PRDM14: variants seen among roughly 807,000 people sequenced by gnomAD.
The protein encoded by PRDM14 is PR/SET domain 14, also known as PR domain zinc finger protein 14.
In PRDM14, 16 loss-of-function variants were observed where a neutral mutation model predicts 48.0. That is an observed-to-expected ratio of 0.33 (90% CI 0.23 to 0.51). PRDM14 has a LOEUF of 0.51. PRDM14 is among the 20% of genes least tolerant of loss of function. The probability of loss-of-function intolerance (pLI) is 0.97; values close to 1 mark genes in which losing one functional copy is unlikely to be tolerated. For synonymous variants in PRDM14, 264 were observed against 276.6 expected, an observed-to-expected ratio of 0.95 and a Z score of 0.45; for missense variants, 566 against 719.6, an observed-to-expected ratio of 0.79 and a Z score of 2.44.
chr8:70,054,136 G>A (rs1316825998), intron 7 of PRDM14, among the ~76,000 whole-genome samples: 1 of 152,180 alleles, frequency 6.6e-6, no homozygotes, highest in East Asian at 1.9e-4. Flanking sequence ...TCAACCTATT[G>A]TTTCTATTAT....
intron 6 of PRDM14, among the ~76,000 whole-genome samples, chr8:70,058,260 C>A (rs1175456751): frequency 2.0e-5 from 3 of 152,176 alleles, no homozygotes; most frequent in Non-Finnish European, 4.4e-5. Context: ...ACATGCCAGG[C>A]TCTCTCCTGT....
In PRDM14 at chr8:70,068,506, C is replaced by A; in HGVS notation, c.727G>T (p.Asp243Tyr). Residue 243 changes from aspartate to tyrosine, a missense_variant, in exon 3 of 8, where the codon GAT (aspartate) becomes TAT (tyrosine). Asp to Tyr is a radical substitution (Grantham distance 160). Around this residue, in one of 3 missense-constraint regions of PRDM14, gnomAD observed 410 missense variants for 424.6 expected, o/e 0.97. Transcript: ENST00000276594. ...SGSDSLPQTL[D>Y]KDSLQLPEGL... ...TCTGGAAGTTGAAGGGAGTCTTTAT[C>A]CAGAGTTTGAGGAAGAGAATCAGAT... The A allele has an allele frequency of 6.2e-7, 1 of 1,614,044 alleles. No individual in the cohort carries two copies. The highest frequency in any genetic ancestry group is 8.5e-7 in the Non-Finnish European group (1 of 1,179,976).
chr8:70,055,238 T>C (rs1805453847), intron 7 of PRDM14, 62 bp downstream of exon 7: 1 of 917,734 alleles, frequency 1.1e-6, no homozygotes, highest in Non-Finnish European at 1.7e-6. Context: ...TGTTTCAAGT[T>C]CTTATCCATA....
At chr8:70,069,132 G>A (rs1805720203) in intron 2 of PRDM14, 29 bp downstream of exon 2, 1 of 1,440,926 alleles carries the variant, frequency 6.9e-7, no homozygotes. Context: ...CGTCCAATTC[G>A]ACTCCCAAAT....
intron 1 of PRDM14, among the ~76,000 whole-genome samples, chr8:70,070,409 G>A (rs1055592204): frequency 6.6e-6 from 1 of 152,158 alleles, no homozygotes; most frequent in African/African-American, 2.4e-5. Flanking sequence ...TCGGCTGGGA[G>A]GGAAGAGCCG....
chr8:70,069,896 C>A lies in PRDM14; in HGVS notation c.-24-12G>T. ...CACGCTCGGCGGCTCTGCAGAAAAG[C>A]GGGCGCCGCTGAGGACACCGCGCGG... On this transcript the variant is annotated splice_polypyrimidine_tract_variant and intron_variant, in intron 1 of 7. Coordinates refer to ENST00000276594, the MANE Select transcript of PRDM14 (RefSeq NM_024504.4). 2 of 1,505,410 alleles carry A rather than the reference C, an allele frequency of 1.3e-6. No homozygotes were observed. The highest frequency in any genetic ancestry group is 1.8e-6 in the Non-Finnish European group (2 of 1,119,820). 93.3% of individuals were successfully genotyped at this position (1,505,410 alleles called of 1,614,324 possible).
At chr8:70,054,566 C>T (rs568000392) in intron 7 of PRDM14, among the ~76,000 whole-genome samples, 9 of 144,174 alleles carry the variant, frequency 6.2e-5, no homozygotes, top group Non-Finnish European at 1.0e-4. Context: ...GCCACTCAGG[C>T]TGGAGTGCAG....
chr8:70,062,937 T>A (rs1287022486), intron 5 of PRDM14, among the ~76,000 whole-genome samples: 1 of 152,204 alleles, frequency 6.6e-6, no homozygotes, highest in Non-Finnish European at 1.5e-5. Context: ...TGAGCCTGTA[T>A]CATCATTTAC....
intron 1 of PRDM14, 103 bp from the exon 2 acceptor site, chr8:70,069,987 A>C (rs533496303): frequency 4.5e-6 from 3 of 668,084 alleles, no homozygotes; most frequent in African/African-American, 3.6e-5. Context: ...CCCCAGATCC[A>C]AGGGAACAGG....
At chr8:70,067,676 T>C (rs78580589) in intron 4 of PRDM14, among the ~76,000 whole-genome samples, 2,048 of 152,302 alleles carry the variant, frequency 0.013, 55 homozygotes, top group African/African-American at 0.045. Context: ...ACTATATTCC[T>C]AGAAGTAGAA....
chr8:70,058,413 T>C (rs1282242870), intron 6 of PRDM14, among the ~76,000 whole-genome samples: 1 of 152,218 alleles, frequency 6.6e-6, no homozygotes, highest in Non-Finnish European at 1.5e-5. Flanking sequence ...TGGACACTCC[T>C]TCCTCCATGT....
At chr8:70,057,614 G>C (rs971235430) in intron 6 of PRDM14, among the ~76,000 whole-genome samples, 2 of 152,214 alleles carry the variant, frequency 1.3e-5, no homozygotes, top group Non-Finnish European at 2.9e-5. Flanking sequence ...TTACAGGCGT[G>C]AGCCACTGCG....
chr8:70,068,347 A>G lies in PRDM14; in HGVS notation c.795T>C (p.His265=). ...LMQTVFGEVP[H]FGVFCSSFIA... ...TAAAACTACTGCAGAACACACCAAA[A>G]TGTGGGACTTCACCAAACACCGTCT... The change falls in exon 4 of 8, where the codon CAT becomes CAC. Residue 265 remains histidine (H), a synonymous_variant. Transcript: ENST00000276594. 1 of 1,614,218 alleles carries G rather than the reference A, an allele frequency of 6.2e-7. No individual in the cohort carries two copies. Among genetic ancestry groups the G allele is most frequent in the Non-Finnish European group, 8.5e-7 (1 of 1,180,042 alleles).
At chr8:70,068,633 C>T in intron 2 of PRDM14, 101 bp from the exon 3 acceptor site, 1 of 937,008 alleles carries the variant, frequency 1.1e-6, no homozygotes, top group Non-Finnish European at 1.7e-6. Context: ...AACCATCATC[C>T]CAGTTTGATA....
intron 5 of PRDM14, among the ~76,000 whole-genome samples, chr8:70,062,333 T>G (rs1015171500): frequency 2.0e-5 from 3 of 152,152 alleles, no homozygotes; most frequent in Admixed American, 6.5e-5. Flanking sequence ...ATAGGTTGAG[T>G]ATCCTTTTTC....
intron 6 of PRDM14, among the ~76,000 whole-genome samples, chr8:70,056,407 T>C (rs1805472259): frequency 6.6e-6 from 1 of 152,232 alleles, no homozygotes; most frequent in African/African-American, 2.4e-5. Flanking sequence ...GAAAGGTTTC[T>C]GTGCTTTCAC....
chr8:70,062,581 A>T (rs1805604850), intron 5 of PRDM14, among the ~76,000 whole-genome samples: 1 of 151,490 alleles, frequency 6.6e-6, no homozygotes, highest in South Asian at 2.1e-4. Flanking sequence ...ATCCGGCTCC[A>T]GCCTCCTGAG....
intron 5 of PRDM14, among the ~76,000 whole-genome samples, chr8:70,060,903 C>A (rs1299850779): frequency 6.6e-6 from 1 of 152,166 alleles, no homozygotes; most frequent in African/African-American, 2.4e-5. Flanking sequence ...CTTCATTACT[C>A]AAAACTTGTG....
intron 6 of PRDM14, among the ~76,000 whole-genome samples, chr8:70,057,297 T>C (rs1805491867): frequency 9.7e-6 from 1 of 103,448 alleles, no homozygotes; most frequent in African/African-American, 3.2e-5. Flanking sequence ...TCTATACATC[T>C]TCTGTAATTT....
Sources: gnomAD v4.1 joint callset for allele counts (sites outside exome capture counted in the v4.1 genomes callset) on GRCh38, gnomAD v4.1.1 for gene constraint, gnomAD v4.1.1 regional missense constraint, MANE v1.5 for transcripts, NCBI Gene and HGNC (gene_info 2026-07-23, HGNC 2026-07-21) for gene names.